MAP7: variants seen among roughly 807,000 people sequenced by gnomAD.
The protein encoded by MAP7 is microtubule associated protein 7.
MAP7 carries 52 observed loss-of-function variants against 94.8 expected under a neutral mutation model. The ratio of observed to expected loss-of-function variants is 0.55; its 90% CI spans 0.44 to 0.69. The LOEUF (loss-of-function observed/expected upper bound fraction) is 0.69. MAP7 is among the 30% of genes least tolerant of loss of function. MAP7 has a pLI of 0.00. For missense variants in MAP7, 940 were observed against 964.6 expected (o/e 0.97, Z 0.34); for synonymous variants, 350 against 357.0 (o/e 0.98, Z 0.22).
At chr6:136,468,961 A>C (rs373847786) in intron 1 of MAP7, among the ~76,000 whole-genome samples, 2 of 151,736 alleles carry the variant, frequency 1.3e-5, no homozygotes, top group African/African-American at 4.8e-5. Context: ...ACAGTGCACC[A>C]CTCTTCCCTT....
chr6:136,370,754 G>A (rs970589840), intron 8 of MAP7, among the ~76,000 whole-genome samples: 1 of 152,232 alleles, frequency 6.6e-6, no homozygotes, highest in Non-Finnish European at 1.5e-5. Context: ...CAGGGCCTGG[G>A]GGGAGGGGGA....
At chr6:136,417,975 G>A (rs1790058206) in intron 2 of MAP7, among the ~76,000 whole-genome samples, 5 of 152,278 alleles carry the variant, frequency 3.3e-5, no homozygotes, top group South Asian at 4.1e-4. Context: ...ATGAAAACAC[G>A]CAGTTTTCTA....
At chr6:136,538,528 G>A (rs530701604) in intron 1 of MAP7, among the ~76,000 whole-genome samples, 2 of 152,128 alleles carry the variant, frequency 1.3e-5, no homozygotes, top group South Asian at 4.1e-4. Context: ...GCTCACGCCT[G>A]TAATCCCAGC....
At chr6:136,349,486 G>A (rs981339651) in intron 16 of MAP7, among the ~76,000 whole-genome samples, 2 of 152,058 alleles carry the variant, frequency 1.3e-5, no homozygotes, top group Non-Finnish European at 2.9e-5. Context: ...CGATCCTCCC[G>A]CCTCAGCCTC....
At chr6:136,549,883 C>A (rs1830003690) in intron 1 of MAP7, among the ~76,000 whole-genome samples, 1 of 152,212 alleles carries the variant, frequency 6.6e-6, no homozygotes. Context: ...CCCCGGCACC[C>A]GGGGCGACCA....
At chr6:136,454,272 G>GATCT (rs57308742) in intron 1 of MAP7, among the ~76,000 whole-genome samples, 38,247 of 141,182 alleles carry the variant, frequency 0.27, 5,207 homozygotes, top group Middle Eastern at 0.32. Context: ...CTACCTAAAT[G>GATCT]ATCTATCTAT....
chr6:136,497,184 C>G (rs570608373), intron 1 of MAP7, among the ~76,000 whole-genome samples: 1 of 151,972 alleles, frequency 6.6e-6, no homozygotes, highest in East Asian at 1.9e-4. Context: ...AAGGCCAACT[C>G]CCAAAAGGAA....
chr6:136,395,941 C>T (rs1782341918), intron 3 of MAP7, among the ~76,000 whole-genome samples: 2 of 152,216 alleles, frequency 1.3e-5, no homozygotes, highest in African/African-American at 4.8e-5. Flanking sequence ...CAGTACTATG[C>T]TGTTTTGGTT....
At chr6:136,414,600 T>A (rs1269797714) in intron 2 of MAP7, among the ~76,000 whole-genome samples, 1 of 152,026 alleles carries the variant, frequency 6.6e-6, no homozygotes, top group African/African-American at 2.4e-5. Context: ...CAATTACTTA[T>A]CACTTTAATA....
chr6:136,501,525 TACTA>T (rs1431491215), intron 1 of MAP7, among the ~76,000 whole-genome samples: 10 of 152,228 alleles, frequency 6.6e-5, no homozygotes, highest in Admixed American at 5.2e-4. Context: ...TCATTTCTCT[TACTA>T]ACTAAATATT....
intron 1 of MAP7, among the ~76,000 whole-genome samples, chr6:136,527,003 A>C (rs1339968526): frequency 6.6e-6 from 1 of 151,962 alleles, no homozygotes; most frequent in Non-Finnish European, 1.5e-5. Context: ...TCTCCTCTGC[A>C]ACTCAAGTTT....
At chr6:136,423,989 G>A (rs1246323777) in intron 1 of MAP7, among the ~76,000 whole-genome samples, 1 of 151,654 alleles carries the variant, frequency 6.6e-6, no homozygotes, top group African/African-American at 2.4e-5. Context: ...ATAGAGACGG[G>A]GTTTCTCCAT....
At chr6:136,481,920 A>ATTT (rs1812959148) in intron 1 of MAP7, among the ~76,000 whole-genome samples, 1 of 152,218 alleles carries the variant, frequency 6.6e-6, no homozygotes, top group Non-Finnish European at 1.5e-5. Flanking sequence ...TTTTTTTAAA[A>ATTT]TTATTAACAT....
At chr6:136,537,789 T>C (rs909236342) in intron 1 of MAP7, among the ~76,000 whole-genome samples, 1 of 105,146 alleles carries the variant, frequency 9.5e-6, no homozygotes, top group Admixed American at 8.8e-5. Context: ...AAGTTATGAA[T>C]TTTTTTTTTT....
At chr6:136,499,550 A>T (rs1163345170) in intron 1 of MAP7, among the ~76,000 whole-genome samples, 3 of 152,054 alleles carry the variant, frequency 2.0e-5, no homozygotes, top group South Asian at 2.1e-4. Flanking sequence ...TGATCACTCC[A>T]CTACTTATCT....
At chr6:136,407,020 A>G (rs1785831021) in intron 3 of MAP7, among the ~76,000 whole-genome samples, 1 of 152,228 alleles carries the variant, frequency 6.6e-6, no homozygotes, top group Admixed American at 6.5e-5. Flanking sequence ...ACGCCCACAC[A>G]ATAAAAAGTA....
intron 1 of MAP7, among the ~76,000 whole-genome samples, chr6:136,477,153 C>T (rs1048564305): frequency 2.6e-5 from 4 of 152,134 alleles, no homozygotes; most frequent in South Asian, 4.1e-4. Context: ...ACCTCAAACA[C>T]GTGATGGAGG....
At chr6:136,450,373 T>C (rs1207254140) in intron 1 of MAP7, among the ~76,000 whole-genome samples, 1 of 152,090 alleles carries the variant, frequency 6.6e-6, no homozygotes, top group Non-Finnish European at 1.5e-5. Context: ...TTTTTTAAAA[T>C]GAATTTTTAA....
chr6:136,502,756 C>A (rs544557905), intron 1 of MAP7, among the ~76,000 whole-genome samples: 1 of 152,288 alleles, frequency 6.6e-6, no homozygotes, highest in African/African-American at 2.4e-5. Flanking sequence ...TTACTCTAAG[C>A]AGAGCTCTCC....
Sources: gnomAD v4.1 joint callset for allele counts (sites outside exome capture counted in the v4.1 genomes callset) on GRCh38, gnomAD v4.1.1 for gene constraint, MANE v1.5 for transcripts, NCBI Gene and HGNC (gene_info 2026-07-23, HGNC 2026-07-21) for gene names.